The following NDUFS4 variants were observed in gnomAD, a reference collection of about 807,000 sequenced individuals.
NDUFS4 encodes the protein NADH:ubiquinone oxidoreductase subunit S4.
Under a neutral mutation model 24.3 loss-of-function variants are expected in NDUFS4, and 28 were observed. The observed-to-expected ratio is 1.15, with a 90% CI of 0.85 to 1.58. NDUFS4 has a LOEUF of 1.58. Among genes scored for constraint, NDUFS4 ranks in the 40% most tolerant of loss-of-function variants. The pLI is 0.00. For synonymous variants in NDUFS4, 93 were observed against 69.7 expected, an observed-to-expected ratio of 1.34 and a Z score of -1.67; for missense variants, 223 against 207.9, an observed-to-expected ratio of 1.07 and a Z score of -0.45.
intron 4 of NDUFS4, among the ~76,000 whole-genome samples, chr5:53,660,873 T>A (rs917448770): frequency 2.0e-5 from 3 of 152,232 alleles, no homozygotes; most frequent in Non-Finnish European, 4.4e-5. Flanking sequence ...TAAATTTGTT[T>A]GAGTTCATTG....
chr5:53,646,823 G>A (rs1751879984), intron 3 of NDUFS4, among the ~76,000 whole-genome samples: 1 of 151,996 alleles, frequency 6.6e-6, no homozygotes, highest in Non-Finnish European at 1.5e-5. Flanking sequence ...TGTTATAATT[G>A]TTCAATTTTA....
In NDUFS4 at chr5:53,646,331, C is replaced by T. The variant is rs1227773855; in HGVS notation, c.276C>T (p.Asn92=). ...GCAATAACATGCAGTCTGGAGTAAA[C>T]AACACAAAGAAATGGAAGATGGAGT... ...PARNNMQSGV[N]NTKKWKMEFD... Residue 92 remains asparagine, a synonymous_variant, in exon 3 of 5, where the codon AAC becomes AAT. Transcript: ENST00000296684. 2 of 1,613,574 alleles carry T rather than the reference C, an allele frequency of 1.2e-6. No homozygotes were observed. Among genetic ancestry groups the T allele is most frequent in the Non-Finnish European group, 1.7e-6 (2 of 1,179,762 alleles).
chr5:53,659,226 G>T (rs1453589522), intron 4 of NDUFS4, among the ~76,000 whole-genome samples: 1 of 152,066 alleles, frequency 6.6e-6, no homozygotes, highest in Non-Finnish European at 1.5e-5. Context: ...ACATCATTGG[G>T]TTATGTTGAT....
At chr5:53,626,879 T>A (rs1751245136) in intron 2 of NDUFS4, among the ~76,000 whole-genome samples, 1 of 152,236 alleles carries the variant, frequency 6.6e-6, no homozygotes, top group Admixed American at 6.5e-5. Flanking sequence ...AGTAGCTGTT[T>A]AGTTTAATTA....
intron 2 of NDUFS4, among the ~76,000 whole-genome samples, chr5:53,639,838 A>G (rs1751660580): frequency 6.6e-6 from 1 of 152,138 alleles, no homozygotes; most frequent in South Asian, 2.1e-4. Context: ...TTGTATTTCT[A>G]AAAGATAACT....
At chr5:53,586,293 T>G (rs1749750998) in intron 1 of NDUFS4, among the ~76,000 whole-genome samples, 1 of 145,486 alleles carries the variant, frequency 6.9e-6, no homozygotes, top group Non-Finnish European at 1.5e-5. Flanking sequence ...CACGCCATTG[T>G]ACTTAAGCCT....
At chr5:53,578,344 C>T (rs1749452556) in intron 1 of NDUFS4, among the ~76,000 whole-genome samples, 1 of 152,148 alleles carries the variant, frequency 6.6e-6, no homozygotes, top group South Asian at 2.1e-4. Context: ...TTGTGGCCAA[C>T]TCCCTTAATA....
chr5:53,605,931 G>A (rs1380066009), intron 2 of NDUFS4, among the ~76,000 whole-genome samples: 7 of 151,590 alleles, frequency 4.6e-5, no homozygotes, highest in South Asian at 2.1e-4. Context: ...GGAGAATGGC[G>A]TGAACCTGGG....
At chr5:53,561,740 TGG>T (rs760565675) in intron 1 of NDUFS4, among the ~76,000 whole-genome samples, 538 of 152,258 alleles carry the variant, frequency 3.5e-3, no homozygotes, top group Middle Eastern at 0.017. Context: ...TAAATATAAA[TGG>T]AATGCAGAGA....
chr5:53,657,683 G>A (rs981071343), intron 3 of NDUFS4, among the ~76,000 whole-genome samples: 5 of 152,102 alleles, frequency 3.3e-5, no homozygotes, highest in Non-Finnish European at 5.9e-5. Context: ...CCAGCACTTT[G>A]GGAGGCTGAG....
chr5:53,581,074 C>G (rs1334809609), intron 1 of NDUFS4, among the ~76,000 whole-genome samples: 1 of 152,126 alleles, frequency 6.6e-6, no homozygotes, highest in Non-Finnish European at 1.5e-5. Flanking sequence ...CTCAGGTGAT[C>G]TGCTTGCCTT....
At chr5:53,670,942 C>G (rs1388395848) in intron 4 of NDUFS4, among the ~76,000 whole-genome samples, 6 of 150,996 alleles carry the variant, frequency 4.0e-5, no homozygotes, top group Admixed American at 1.3e-4. Context: ...TAGAGTATCT[C>G]TAGACTATAT....
At chr5:53,658,677 C>A in intron 4 of NDUFS4, 53 bp downstream of exon 4, 1 of 1,492,786 alleles carries the variant, frequency 6.7e-7, no homozygotes, top group Non-Finnish European at 9.3e-7. Context: ...ATGTTCTTAA[C>A]CTTAATTAAA....
At chr5:53,656,550 T>C (rs978375122) in intron 3 of NDUFS4, among the ~76,000 whole-genome samples, 3 of 152,258 alleles carry the variant, frequency 2.0e-5, no homozygotes, top group Admixed American at 6.5e-5. Context: ...AGGAACAAAT[T>C]GAACTGATGG....
At chr5:53,668,773 T>C (rs1752589602) in intron 4 of NDUFS4, among the ~76,000 whole-genome samples, 1 of 152,034 alleles carries the variant, frequency 6.6e-6, no homozygotes, top group South Asian at 2.1e-4. Flanking sequence ...ACAAAACATA[T>C]TTAATGCCCT....
rs186122631 is a variant in NDUFS4 at position 53,665,072 on chromosome 5, T to C, written c.424+6448T>C. Among the ~76,000 whole-genome samples, 4 of 152,328 alleles carry C rather than the reference T, an allele frequency of 2.6e-5. No individual in the cohort carries two copies. The East Asian group carries it at 7.7e-4, about 29-fold the overall frequency. On this transcript the variant is annotated intron_variant, in intron 4 of 4. Transcript: ENST00000296684. ...GTCAGGACCCTCAGCTGCAGGTCTG[T>C]TGGAGTTTGCTGGAGGTCCACTCCA...
At chr5:53,628,664 T>C (rs1017208774) in intron 2 of NDUFS4, among the ~76,000 whole-genome samples, 1 of 152,214 alleles carries the variant, frequency 6.6e-6, no homozygotes, top group African/African-American at 2.4e-5. Flanking sequence ...TTTATTTGCA[T>C]AGAGTTGTCT....
intron 2 of NDUFS4, among the ~76,000 whole-genome samples, chr5:53,622,218 C>A (rs1751064614): frequency 2.0e-5 from 3 of 152,076 alleles, no homozygotes; most frequent in Admixed American, 2.0e-4. Flanking sequence ...AATCTCTCAG[C>A]TTTTGTTTAT....
At chr5:53,636,828 G>A (rs185248856) in intron 2 of NDUFS4, among the ~76,000 whole-genome samples, 183 of 152,148 alleles carry the variant, frequency 1.2e-3, no homozygotes, top group African/African-American at 3.9e-3. Flanking sequence ...AAAGTATGTC[G>A]CATCTGCCCC....
Sources: gnomAD v4.1 joint callset for allele counts (sites outside exome capture counted in the v4.1 genomes callset) on GRCh38, gnomAD v4.1.1 for gene constraint, MANE v1.5 for transcripts, NCBI Gene and HGNC (gene_info 2026-07-23, HGNC 2026-07-21) for gene names.